VDAC3: variants seen among roughly 807,000 people sequenced by gnomAD.
The protein encoded by VDAC3 is voltage dependent anion channel 3, also known as non-selective voltage-gated ion channel VDAC3.
VDAC3 carries 7 observed loss-of-function variants against 33.9 expected under a neutral mutation model. That is an observed-to-expected ratio of 0.21 (90% CI 0.12 to 0.39). VDAC3 has a LOEUF of 0.39. Ranked by LOEUF, VDAC3 falls within the 10% of genes least tolerant of loss-of-function variation. The pLI, the probability that VDAC3 is intolerant of heterozygous loss-of-function variation, is 1.00. For synonymous variants in VDAC3, 100 were observed against 122.4 expected (o/e 0.82, Z 1.21); for missense variants, 261 against 334.5 (o/e 0.78, Z 1.71).
chr8:42,393,532 C>A (rs1397157325), intron 1 of VDAC3, among the ~76,000 whole-genome samples: 1 of 152,120 alleles, frequency 6.6e-6, no homozygotes, highest in Non-Finnish European at 1.5e-5. Flanking sequence ...CAAAGCTGGG[C>A]AGATTTTTAG....
intron 7 of VDAC3, 149 bp downstream of exon 7, chr8:42,402,164 A>G: frequency 2.3e-6 from 2 of 884,892 alleles, no homozygotes; most frequent in Non-Finnish European, 3.5e-6. Flanking sequence ...AAACCTTGCC[A>G]GGAGGCTGGT....
intron 8 of VDAC3, 121 bp downstream of exon 8, chr8:42,403,582 T>G: frequency 9.0e-7 from 1 of 1,117,232 alleles, no homozygotes; most frequent in South Asian, 1.6e-5. Flanking sequence ...GCTCATTGTG[T>G]AGTGAAAGGA....
chr8:42,405,347 A>G, intron 9 of VDAC3, 24 bp from the exon 10 acceptor site: 1 of 1,575,192 alleles, frequency 6.3e-7, no homozygotes, highest in Admixed American at 1.7e-5. Context: ...GTTTCAAGTG[A>G]TTGTGGTGTT....
chr8:42,396,514 C>G (rs1423429029), intron 4 of VDAC3: 12 of 553,410 alleles, frequency 2.2e-5, no homozygotes, highest in East Asian at 8.8e-5. Context: ...ATGCACCTCC[C>G]TTACTAAGAT....
intron 1 of VDAC3, among the ~76,000 whole-genome samples, chr8:42,393,089 T>G (rs953731976): frequency 6.6e-6 from 1 of 152,194 alleles, no homozygotes; most frequent in Non-Finnish European, 1.5e-5. Context: ...TTTTTAGTTT[T>G]TTATACTAGT....
chr8:42,400,005 A>G (rs921877459), intron 6 of VDAC3, among the ~76,000 whole-genome samples: 14 of 152,216 alleles, frequency 9.2e-5, no homozygotes, highest in Non-Finnish European at 1.6e-4. Context: ...ATCTTAAGCA[A>G]TTCTGAAGAT....
At chr8:42,399,803 A>G in intron 6 of VDAC3, 100 bp downstream of exon 6, 1 of 1,110,122 alleles carries the variant, frequency 9.0e-7, no homozygotes, top group Non-Finnish European at 1.3e-6. Flanking sequence ...AGGCAGGAAG[A>G]ACTCAGAAGG....
At chr8:42,402,131 C>T in intron 7 of VDAC3, 116 bp downstream of exon 7, 1 of 1,114,784 alleles carries the variant, frequency 9.0e-7, no homozygotes, top group Non-Finnish European at 1.3e-6. Context: ...AATATCCATC[C>T]TTGCGGTGCT....
intron 4 of VDAC3, 145 bp downstream of exon 4, chr8:42,395,278 G>A: frequency 7.8e-7 from 1 of 1,288,118 alleles, no homozygotes; most frequent in Non-Finnish European, 1.1e-6. Context: ...AGCATTCTTA[G>A]CCAATTAAAA....
intron 7 of VDAC3, 154 bp downstream of exon 7, chr8:42,402,169 G>T: frequency 2.4e-6 from 2 of 825,390 alleles, no homozygotes; most frequent in Non-Finnish European, 1.9e-6. Context: ...TTGCCAGGAG[G>T]CTGGTGCACG....
intron 4 of VDAC3, among the ~76,000 whole-genome samples, chr8:42,395,900 A>C (rs1296594939): frequency 6.7e-6 from 1 of 149,292 alleles, no homozygotes; most frequent in Non-Finnish European, 1.5e-5. Context: ...TGGAGGTTTC[A>C]GTGAGCCGAG....
intron 4 of VDAC3, chr8:42,396,660 G>A (rs755880302): frequency 1.4e-6 from 1 of 694,930 alleles, no homozygotes; most frequent in South Asian, 1.5e-5. Flanking sequence ...CTGCTGTTGT[G>A]TGGTAATATT....
At chr8:42,400,051 C>T (rs925153192) in intron 6 of VDAC3, among the ~76,000 whole-genome samples, 5 of 152,084 alleles carry the variant, frequency 3.3e-5, no homozygotes. Flanking sequence ...AAGTTAATTC[C>T]TTTTGGCTGG....
intron 7 of VDAC3, 56 bp from the exon 8 acceptor site, chr8:42,403,255 A>T: frequency 6.3e-7 from 1 of 1,594,894 alleles, no homozygotes; most frequent in Admixed American, 1.8e-5. Flanking sequence ...TTTTCATACC[A>T]TAATAACAAT....
chr8:42,399,887 T>C (rs2130888981), intron 6 of VDAC3, among the ~76,000 whole-genome samples, 184 bp downstream of exon 6: 1 of 152,262 alleles, frequency 6.6e-6, no homozygotes, highest in Non-Finnish European at 1.5e-5. Context: ...CAAGGCAGGA[T>C]GAACAATTTG....
chr8:42,398,170 T>A (rs1253742336), intron 4 of VDAC3, among the ~76,000 whole-genome samples: 1 of 152,230 alleles, frequency 6.6e-6, no homozygotes, highest in Non-Finnish European at 1.5e-5. Flanking sequence ...TAAAGATACT[T>A]CTTTTTTAAA....
At position 42,401,823 on chromosome 8, in the gene VDAC3, G is replaced by A. The variant is rs762246519; in HGVS notation, c.359G>A (p.Arg120Gln). 9 of 1,614,010 alleles carry A rather than the reference G, an allele frequency of 5.6e-6. No individual in the cohort carries two copies. Among genetic ancestry groups the A allele is most frequent in the South Asian group, 2.2e-5 (2 of 91,074 alleles). ...KSGKLKASYK[R>Q]DCFSVGSNVD... ...GGGAAATTGAAGGCCTCCTATAAACGGGATTGTTTTAGTGTTGGCAGTAAT... is the reference window on the plus strand; with the variant it reads ...GGGAAATTGAAGGCCTCCTATAAACAGGATTGTTTTAGTGTTGGCAGTAAT... The change falls in exon 7 of 10, where the codon CGG becomes CAG. Residue 120 changes from arginine (R) to glutamine (Q), a missense_variant. By Grantham distance (43) the Arg-to-Gln change is conservative. Coordinates refer to ENST00000022615, the MANE Select transcript of VDAC3 (RefSeq NM_005662.7).
intron 7 of VDAC3, 108 bp from the exon 8 acceptor site, chr8:42,403,203 A>G: frequency 7.5e-7 from 1 of 1,341,226 alleles, no homozygotes; most frequent in Non-Finnish European, 1.0e-6. Flanking sequence ...TGAAATCTAT[A>G]GTTACAAAAT....
chr8:42,393,162 C>T (rs1327530233), intron 1 of VDAC3, among the ~76,000 whole-genome samples: 1 of 152,120 alleles, frequency 6.6e-6, no homozygotes, highest in Non-Finnish European at 1.5e-5. Flanking sequence ...AACTTAAATG[C>T]ATTCCCATTT....
Sources: gnomAD v4.1 joint callset for allele counts (sites outside exome capture counted in the v4.1 genomes callset) on GRCh38, gnomAD v4.1.1 for gene constraint, MANE v1.5 for transcripts, NCBI Gene and HGNC (gene_info 2026-07-23, HGNC 2026-07-21) for gene names.